Variants in SIAE observed in about 807,000 individuals in gnomAD.
SIAE encodes the protein sialic acid acetylesterase.
In SIAE, 39 loss-of-function variants were observed where a neutral mutation model predicts 52.6. That is an observed-to-expected ratio of 0.74 (90% CI 0.57 to 0.97). SIAE has a LOEUF of 0.97. Ranked by LOEUF, SIAE falls within the 50% of genes least tolerant of loss-of-function variation. SIAE has a pLI of 0.00. For synonymous variants in SIAE, 233 were observed against 241.4 expected (o/e 0.97, Z 0.32); for missense variants, 592 against 662.1 (o/e 0.89, Z 1.16).
rs986348893 is a variant in SIAE at position 124,660,774 on chromosome 11, C to T, written c.259G>A (p.Asp87Asn). ...AHSDTWMVVL[D>N]PMKPGGPFEV... ...AAAGGTCCTCCAGGCTTCATAGGAT[C>T]CAGTACCACCATCCACGTATCAGAG... The change falls in exon 3 of 10, where the codon GAT becomes AAT. Residue 87 changes from aspartate to asparagine, a missense_variant. Asp to Asn is a conservative substitution (Grantham distance 23). Transcript: ENST00000263593. 8 of 1,614,070 alleles carry T rather than the reference C, an allele frequency of 5.0e-6. No individual in the cohort carries two copies. The highest frequency in any genetic ancestry group is 6.8e-6 in the Non-Finnish European group (8 of 1,180,030).
chr11:124,675,084 C>A, upstream of SIAE: 1 of 663,242 alleles, frequency 1.5e-6, no homozygotes, highest in Non-Finnish European at 2.4e-6. Flanking sequence ...GATTTCAAAA[C>A]TCTTTGGAAG....
chr11:124,663,730 C>G (rs1189960790), intron 2 of SIAE, among the ~76,000 whole-genome samples: 1 of 152,158 alleles, frequency 6.6e-6, no homozygotes, highest in Non-Finnish European at 1.5e-5. Flanking sequence ...TGGTCCTTAG[C>G]TTATCCGTTC....
intron 2 of SIAE, among the ~76,000 whole-genome samples, chr11:124,665,839 A>G (rs1003546102): frequency 4.6e-5 from 7 of 152,128 alleles, no homozygotes; most frequent in African/African-American, 1.7e-4. Context: ...AAGAGAAAAG[A>G]AAAAAAGAAA....
At position 124,649,708 on chromosome 11, in the gene SIAE, G is replaced by T. The variant is rs530808094; in HGVS notation, c.633C>A (p.Ile211=). The T allele has an allele frequency of 3.1e-6, 5 of 1,614,160 alleles. No homozygotes were observed. The South Asian group carries it at 5.5e-5, about 18-fold the overall frequency. Residue 211 remains isoleucine (I), a synonymous_variant, in exon 5 of 10, where the codon ATC becomes ATA. Coordinates refer to ENST00000263593, the MANE Select transcript of SIAE (RefSeq NM_170601.5). ...RHLYDTLQYP[I]GLIASSWGGT... is the part of the protein sequence containing the mutation. ...CGCCCCAGCTGGAGGCGATCAGCCC[G>T]ATGGGATACTGCAGAGTGTCATAAA... is the stretch of plus-strand genomic sequence containing the variant.
rs753959557 is a variant in SIAE at position 124,647,401 on chromosome 11, C to T, written c.930G>A (p.Gly310=). ...CAAATGGGAAGAAACGCTCCGTCTG[C>T]CCCTGGGAACCACGGTGGAAGGTTT... ...WRETFHRGSQ[G]QTERFFPFGL... The change falls in exon 7 of 10, where the codon GGG becomes GGA. Residue 310 remains glycine, a synonymous_variant. Transcript: ENST00000263593. The T allele has an allele frequency of 3.7e-6, 6 of 1,614,086 alleles. No homozygotes were observed. Among genetic ancestry groups the T allele is most frequent in the Non-Finnish European group, 5.1e-6 (6 of 1,180,048 alleles).
intron 4 of SIAE, among the ~76,000 whole-genome samples, chr11:124,650,621 A>G (rs1421406861): frequency 1.3e-5 from 2 of 152,008 alleles, no homozygotes; most frequent in East Asian, 1.9e-4. Context: ...CAAAATACAA[A>G]TATTAGCTGG....
chr11:124,669,436 A>C lies in SIAE; in HGVS notation c.153T>G (p.Gly51=). Residue 51 remains glycine (G), a synonymous_variant, in exon 2 of 10, where the codon GGT becomes GGG. Coordinates refer to ENST00000263593, the MANE Select transcript of SIAE (RefSeq NM_170601.5). ...TCACGGTCACTGTGGCTCCAGGTGT[A>C]CCGAAGCCCCATATCACTGCCCCAG... ...EPAGAVIWGF[G]TPGATVTVTL... 1 of 1,614,166 alleles carries C rather than the reference A, an allele frequency of 6.2e-7. No homozygotes were observed. Among genetic ancestry groups the C allele is most frequent in the East Asian group, 2.2e-5 (1 of 44,870 alleles).
intron 6 of SIAE, 36 bp from the exon 7 acceptor site, chr11:124,647,534 T>TA: frequency 6.2e-7 from 1 of 1,613,156 alleles, no homozygotes; most frequent in Non-Finnish European, 8.5e-7. Flanking sequence ...GAGTTTGGAG[T>TA]AGACTGCAAA....
chr11:124,649,900 C>A, intron 4 of SIAE, 104 bp from the exon 5 acceptor site: 1 of 1,074,196 alleles, frequency 9.3e-7, no homozygotes, highest in Non-Finnish European at 1.4e-6. Flanking sequence ...AGAGGTCATT[C>A]TTCTGTTGTT....
chr11:124,676,247 G>A (rs1436887343), upstream of SIAE: 1 of 152,292 alleles, frequency 6.6e-6, no homozygotes, highest in African/African-American at 2.4e-5. Context: ...GATTCAAGAC[G>A]GTAGTGAGCT....
Position 124,645,485 on chromosome 11 carries a change from G to A in SIAE, c.966+1880C>T, listed in dbSNP as rs932528844. The stretch of plus-strand genomic sequence containing the variant: ...CCCGACTAATTTTGTATTTTTAGTA[G>A]AGACGGGGCTTCTCCATGTTGGTCA... On this transcript the variant is annotated intron_variant, in intron 7 of 9. Coordinates refer to ENST00000263593, the MANE Select transcript of SIAE (RefSeq NM_170601.5). This position sits in a 1 kb window ranked among gnomAD's most constrained non-coding sequence, Gnocchi z 4.7. Among the ~76,000 whole-genome samples the A allele has an allele frequency of 6.6e-6, 1 of 152,038 alleles. No homozygotes were observed. Among genetic ancestry groups the A allele is most frequent in the African/African-American group, 2.4e-5 (1 of 41,376 alleles).
intron 1 of SIAE, among the ~76,000 whole-genome samples, chr11:124,673,037 C>T (rs562553712): frequency 6.6e-6 from 1 of 152,290 alleles, no homozygotes; most frequent in Non-Finnish European, 1.5e-5. Context: ...CAAAGGGAGC[C>T]ACCAGCCTCC....
intron 1 of SIAE, among the ~76,000 whole-genome samples, chr11:124,672,008 C>A (rs1943367999): frequency 1.3e-5 from 2 of 151,654 alleles, no homozygotes; most frequent in African/African-American, 4.8e-5. Flanking sequence ...GAACTCCTGA[C>A]CTCATGATCT....
At chr11:124,673,816 C>T, upstream of SIAE, 1 of 1,272,444 alleles carries the variant, frequency 7.9e-7, no homozygotes, top group Middle Eastern at 2.1e-4. Context: ...TCCTCGCAGC[C>T]TCCCGCGACC....
At chr11:124,675,149 G>T (rs1168583965), upstream of SIAE, 6 of 1,287,472 alleles carry the variant, frequency 4.7e-6, no homozygotes, top group African/African-American at 1.5e-5. Context: ...CCAGATGTAT[G>T]AGTCTCAGAA....
intron 4 of SIAE, among the ~76,000 whole-genome samples, chr11:124,652,194 A>G (rs1332945270): frequency 1.3e-5 from 2 of 152,144 alleles, no homozygotes; most frequent in East Asian, 1.9e-4. Flanking sequence ...GCAAAATAAC[A>G]GACCCCAAAG....
intron 2 of SIAE, among the ~76,000 whole-genome samples, chr11:124,663,224 T>C (rs547378010): frequency 3.9e-5 from 6 of 152,064 alleles, no homozygotes; most frequent in African/African-American, 1.2e-4. Flanking sequence ...CAGGGAAAAC[T>C]TGATACACTC....
At position 124,669,384 on chromosome 11, in the gene SIAE, T is replaced by G. The variant is rs760120148; in HGVS notation, c.205A>C (p.Met69Leu). 3.1e-6 allele frequency: 5 copies of G among 1,614,194 alleles called. No homozygotes were observed. The highest frequency in any genetic ancestry group is 4.2e-6 in the Non-Finnish European group (5 of 1,180,038). Residue 69 changes from methionine (M) to leucine (L), a missense_variant, in exon 2 of 10, where the codon ATG becomes CTG. Coordinates refer to ENST00000263593, the MANE Select transcript of SIAE (RefSeq NM_170601.5). The stretch of plus-strand genomic sequence containing the variant: ...CCTTTCACACTGGTCACTTTCTTCA[T>G]GATGGTTTCCTGACCTTGGCGCAGG... ...VTLRQGQETI[M>L]KKVTSVKAHS...
Position 124,654,655 on chromosome 11 carries a change from C to T in SIAE, c.544G>A (p.Glu182Lys), listed in dbSNP as rs758416565. The change falls in exon 4 of 10, where the codon GAA becomes AAA. Residue 182 changes from glutamate (E) to lysine (K), a missense_variant and splice_region_variant. By Grantham distance (56) the Glu-to-Lys change is moderately conservative. Transcript: ENST00000263593. ...VDLQWSKPTS[E>K]NLGHGYFKYM... is the part of the protein sequence containing the mutation. ...ACAGCACGTTCAAGCCGTCACATAC[C>T]TGAGGTGGGCTTAGACCACTGCAAG... The T allele has an allele frequency of 3.7e-6, 6 of 1,614,120 alleles. No individual in the cohort carries two copies. Among genetic ancestry groups the T allele is most frequent in the Middle Eastern group, 1.7e-4 (1 of 6,060 alleles).
Sources: allele counts gnomAD v4.1 joint callset (sites outside exome capture counted in the v4.1 genomes callset), GRCh38; gene constraint gnomAD v4.1.1; non-coding constraint Gnocchi (gnomAD v3.1); transcripts MANE v1.5; gene names NCBI Gene and HGNC (gene_info 2026-07-23, HGNC 2026-07-21).